Variants in CBR4 observed in about 807,000 individuals in gnomAD.
CBR4 encodes carbonyl reductase 4.
Under a neutral mutation model 21.0 loss-of-function variants are expected in CBR4, and 22 were observed. The ratio of observed to expected loss-of-function variants is 1.05; its 90% confidence interval spans 0.75 to 1.50. CBR4 has a LOEUF of 1.50. CBR4 is among the 40% of genes most tolerant of loss of function. The pLI is 0.00. For synonymous variants in CBR4, 100 were observed against 104.4 expected (o/e 0.96, Z 0.26); for missense variants, 302 against 286.3 (o/e 1.05, Z -0.40).
At chr4:168,901,716 A>G (rs1016652987) in intron 2 of CBR4, among the ~76,000 whole-genome samples, 5 of 151,968 alleles carry the variant, frequency 3.3e-5, no homozygotes, top group African/African-American at 9.7e-5. Context: ...ACATTAGCTG[A>G]GCATGGAGGC....
chr4:168,965,790 T>A (rs143572419), intron 2 of CBR4, among the ~76,000 whole-genome samples: 1 of 152,014 alleles, frequency 6.6e-6, no homozygotes, highest in African/African-American at 2.4e-5. Flanking sequence ...CCTAACACCA[T>A]AAAAACCCTA....
At chr4:168,918,360 G>A (rs1032287378) in intron 2 of CBR4, among the ~76,000 whole-genome samples, 31 of 150,428 alleles carry the variant, frequency 2.1e-4, no homozygotes, top group African/African-American at 7.5e-4. Flanking sequence ...ACACACAGTG[G>A]AAAATTATAA....
chr4:168,931,155 T>C (rs974942185), intron 2 of CBR4, among the ~76,000 whole-genome samples: 2 of 151,924 alleles, frequency 1.3e-5, no homozygotes, highest in African/African-American at 4.8e-5. Context: ...TCTAGCAAAT[T>C]CTCCCAAAGC....
intron 2 of CBR4, among the ~76,000 whole-genome samples, chr4:168,931,512 A>G (rs1048130101): frequency 6.6e-6 from 1 of 151,938 alleles, no homozygotes; most frequent in African/African-American, 2.4e-5. Flanking sequence ...CCTAAGAAAG[A>G]GCCCCATGGG....
At chr4:168,993,799 AG>A (rs1275749737) in intron 4 of CBR4, among the ~76,000 whole-genome samples, 1 of 152,220 alleles carries the variant, frequency 6.6e-6, no homozygotes, top group Non-Finnish European at 1.5e-5. Context: ...ATGGTTTGCA[AG>A]AAAGACCTTG....
intron 2 of CBR4, among the ~76,000 whole-genome samples, chr4:168,978,769 C>T (rs1764451169): frequency 1.3e-5 from 2 of 152,124 alleles, no homozygotes; most frequent in Non-Finnish European, 2.9e-5. Context: ...CACGCATACC[C>T]CCAGGAGAGA....
downstream of CBR4, among the ~76,000 whole-genome samples, chr4:168,984,581 A>C (rs1055758069): frequency 6.6e-6 from 1 of 152,166 alleles, no homozygotes; most frequent in Non-Finnish European, 1.5e-5. Flanking sequence ...GGAACCAAAA[A>C]AGAGCCAAAG....
intron 2 of CBR4, among the ~76,000 whole-genome samples, chr4:168,972,461 A>T (rs1158096908): frequency 2.0e-5 from 3 of 152,144 alleles, no homozygotes; most frequent in Admixed American, 2.0e-4. Flanking sequence ...TTCTTTCAGC[A>T]GTGTTTTGTA....
At chr4:168,965,472 G>C (rs1763994153) in intron 2 of CBR4, among the ~76,000 whole-genome samples, 1 of 152,164 alleles carries the variant, frequency 6.6e-6, no homozygotes. Flanking sequence ...AACAAAGCTG[G>C]AGGCATCATA....
chr4:168,961,728 AAAAAT>A (rs145755769), intron 2 of CBR4, among the ~76,000 whole-genome samples: 12,299 of 152,242 alleles, frequency 0.081, 653 homozygotes, highest in Middle Eastern at 0.19. Context: ...CGTCTCTACT[AAAAAT>A]ACAAAAATTA....
chr4:168,979,752 G>A (rs1764485419), intron 2 of CBR4, among the ~76,000 whole-genome samples: 1 of 152,162 alleles, frequency 6.6e-6, no homozygotes. Context: ...CCCACCCCCA[G>A]CTGAATATTC....
In CBR4 at chr4:168,901,645, G is replaced by A. The variant is rs545357569; in HGVS notation, n.170-6880C>T. 5.9e-5 allele frequency among the ~76,000 whole-genome samples: 9 copies of A among 152,154 alleles called. No homozygotes were observed. The South Asian group carries it at 1.7e-3, about 28-fold the overall frequency. Reference sequence around the variant, plus strand: ...GGCTGAGGCAGGCAGATCTCTTGAGGTCAGGAGTTTAAGAACAGCCTGGCC... The same window carrying A: ...GGCTGAGGCAGGCAGATCTCTTGAGATCAGGAGTTTAAGAACAGCCTGGCC... On this transcript the variant is annotated intron_variant and non_coding_transcript_variant, in intron 2 of 3. Coordinates refer to the CBR4 transcript ENST00000509108.
intron 2 of CBR4, among the ~76,000 whole-genome samples, chr4:168,906,896 T>G (rs374411097): frequency 5.3e-5 from 8 of 150,434 alleles, no homozygotes; most frequent in African/African-American, 9.8e-5. Context: ...AGGAAGGAAA[T>G]AAAAAAGAAA....
At chr4:168,984,136 T>C (rs552056037), downstream of CBR4, among the ~76,000 whole-genome samples, 1 of 152,204 alleles carries the variant, frequency 6.6e-6, no homozygotes, top group East Asian at 1.9e-4. Flanking sequence ...TTACAGATGA[T>C]GTAATGCTAT....
chr4:168,958,741 T>C (rs1763759752), intron 2 of CBR4, among the ~76,000 whole-genome samples: 3 of 152,270 alleles, frequency 2.0e-5, no homozygotes, highest in Admixed American at 2.0e-4. Flanking sequence ...TCAGCCATTC[T>C]AATGGATATC....
At chr4:168,987,411 G>T (rs184817726), downstream of CBR4, among the ~76,000 whole-genome samples, 53 of 152,234 alleles carry the variant, frequency 3.5e-4, no homozygotes, top group Admixed American at 2.6e-3. Context: ...CAAGGTGTGG[G>T]TATCAAAACA....
At chr4:168,898,237 AAAG>A (rs1395779497) in intron 2 of CBR4, 10 of 516,664 alleles carry the variant, frequency 1.9e-5, no homozygotes, top group African/African-American at 7.7e-5. Flanking sequence ...GCCTCAGAGA[AAAG>A]AAGGAAAAAA....
chr4:168,923,522 A>G (rs894654245), intron 2 of CBR4, among the ~76,000 whole-genome samples: 1 of 152,116 alleles, frequency 6.6e-6, no homozygotes, highest in African/African-American at 2.4e-5. Context: ...TTCCCATTGG[A>G]TGGTATTATT....
chr4:168,907,788 A>G (rs1344497739), intron 2 of CBR4, among the ~76,000 whole-genome samples: 3 of 152,002 alleles, frequency 2.0e-5, no homozygotes, highest in Admixed American at 2.0e-4. Context: ...ATCCTATCCA[A>G]CCTGTGATTT....
Sources: allele counts gnomAD v4.1 joint callset (sites outside exome capture counted in the v4.1 genomes callset), GRCh38; gene constraint gnomAD v4.1.1; transcripts MANE v1.5; gene names NCBI Gene and HGNC (gene_info 2026-07-23, HGNC 2026-07-21).